Variants in HNRNPA3 observed in about 807,000 individuals in gnomAD.
The protein encoded by HNRNPA3 is epididymis secretory sperm binding protein.
In HNRNPA3, 3 loss-of-function variants were observed where a neutral mutation model predicts 45.8. The ratio of observed to expected loss-of-function variants is 0.07; its 90% CI spans 0.03 to 0.17. The LOEUF (loss-of-function observed/expected upper bound fraction) is 0.17. Ranked by LOEUF, HNRNPA3 falls within the 10% of genes least tolerant of loss-of-function variation. The pLI is 1.00. For synonymous variants in HNRNPA3, 170 were observed against 155.6 expected (o/e 1.09, Z -0.69); for missense variants, 183 against 480.3 (o/e 0.38, Z 5.79).
chr2:177,217,420 A>G (rs966560470), intron 7 of HNRNPA3, among the ~76,000 whole-genome samples: 1 of 152,318 alleles, frequency 6.6e-6, no homozygotes, highest in Middle Eastern at 3.4e-3. Flanking sequence ...GGGTTGCTTG[A>G]GGTGAGGATT....
chr2:177,216,895 A>G (rs1388201075), exon 7 of HNRNPA3: 3 of 1,598,370 alleles, frequency 1.9e-6, no homozygotes, highest in South Asian at 2.2e-5. Context: ...CAGCAGAGGT[A>G]GTTATGGAGG....
downstream of HNRNPA3, chr2:177,221,493 A>C (rs1486166409): frequency 6.6e-6 from 1 of 152,668 alleles, no homozygotes; most frequent in Non-Finnish European, 1.5e-5. Context: ...TGGAACTAGT[A>C]TTATAGTGAA....
chr2:177,220,823 T>C (rs1012417814), downstream of HNRNPA3: 5 of 152,630 alleles, frequency 3.3e-5, no homozygotes, highest in Non-Finnish European at 5.9e-5. Flanking sequence ...TAAGGTCATA[T>C]ATACATATAT....
chr2:177,218,473 C>CATA (rs145837657), intron 8 of HNRNPA3, among the ~76,000 whole-genome samples: 3,348 of 152,252 alleles, frequency 0.022, 117 homozygotes, highest in African/African-American at 0.076. Flanking sequence ...TTTTACTTAA[C>CATA]TCCTTGGTAC....
chr2:177,215,532 C>T lies in HNRNPA3; in HGVS notation c.73-7C>T, dbSNP rs60181566. 9 of 1,613,768 alleles carry T rather than the reference C, an allele frequency of 5.6e-6. No homozygotes were observed. The highest frequency in any genetic ancestry group is 5.3e-5 in the African/African-American group (4 of 75,024). On this transcript the variant is annotated splice_region_variant and splice_polypyrimidine_tract_variant and intron_variant, in intron 1 of 10. Coordinates refer to ENST00000392524, the Ensembl canonical transcript of HNRNPA3. ...GGTAACTTAAGAGTATTGGTTCTTT[C>T]TCTCAGGGCCATGATCCAAAGGAAC... is the stretch of plus-strand genomic sequence containing the variant.
chr2:177,217,683 T>G (rs1242768055), intron 7 of HNRNPA3, 22 bp from the exon 8 acceptor site: 5 of 1,612,052 alleles, frequency 3.1e-6, no homozygotes, highest in Non-Finnish European at 4.2e-6. Flanking sequence ...TTGTGTGGTC[T>G]TGTTATTTGT....
At chr2:177,213,359 G>A (rs1398489838) in intron 1 of HNRNPA3, among the ~76,000 whole-genome samples, 1 of 152,266 alleles carries the variant, frequency 6.6e-6, no homozygotes, top group Non-Finnish European at 1.5e-5. Context: ...TGGGATTGGA[G>A]GGAAGAGGGC....
At position 177,215,915 on chromosome 2, in the gene HNRNPA3, G is replaced by A; in HGVS notation, c.342+19G>A. On this transcript the variant is annotated intron_variant, in intron 3 of 10. Coordinates refer to ENST00000392524, the Ensembl canonical transcript of HNRNPA3. The stretch of plus-strand genomic sequence containing the variant: ...TAGAGAGGTATTTTAATAATACATT[G>A]TGTAATATGTGAAATTGTTGTGAAA... 3 of 1,597,198 alleles carry A rather than the reference G, an allele frequency of 1.9e-6. No individual in the cohort carries two copies. Among genetic ancestry groups the A allele is most frequent in the Middle Eastern group, 1.7e-4 (1 of 5,958 alleles).
chr2:177,219,183 C>T, intron 9 of HNRNPA3, 24 bp downstream of exon 9: 1 of 1,610,872 alleles, frequency 6.2e-7, no homozygotes, highest in South Asian at 1.1e-5. Context: ...TAAATCAATT[C>T]TTTAGAGCCT....
downstream of HNRNPA3, chr2:177,223,201 A>G (rs2105443416): frequency 6.6e-6 from 1 of 152,294 alleles, no homozygotes; most frequent in Admixed American, 6.5e-5. Context: ...TCAGAACCCA[A>G]TTTCTACGCG....
chr2:177,215,516 A>G, intron 1 of HNRNPA3, 23 bp from the exon 2 acceptor site: 5 of 1,612,988 alleles, frequency 3.1e-6, no homozygotes, highest in Non-Finnish European at 3.4e-6. Context: ...AGGTAACTTA[A>G]GAGTATTGGT....
downstream of HNRNPA3, chr2:177,222,531 G>C (rs1392423184): frequency 2.0e-5 from 3 of 152,378 alleles, no homozygotes; most frequent in Admixed American, 1.3e-4. Context: ...ACCAGGGCCA[G>C]GCACAGTGGC....
chr2:177,219,079 A>G, exon 9 of HNRNPA3: 1 of 1,614,164 alleles, frequency 6.2e-7, no homozygotes, highest in Non-Finnish European at 8.5e-7. Context: ...TTTGGAAATT[A>G]TAGTGGACAA....
chr2:177,219,340 G>T (rs767993022), intron 10 of HNRNPA3, 26 bp downstream of exon 10: 14 of 1,502,504 alleles, frequency 9.3e-6, no homozygotes, highest in Non-Finnish European at 1.1e-5. Flanking sequence ...TTTTTATTAT[G>T]ATGATAAAAG....
chr2:177,217,431 T>C (rs1688987925), intron 7 of HNRNPA3, among the ~76,000 whole-genome samples: 1 of 152,160 alleles, frequency 6.6e-6, no homozygotes, highest in African/African-American at 2.4e-5. Context: ...GGTGAGGATT[T>C]TGAGACTAGT....
downstream of HNRNPA3, chr2:177,222,032 A>C (rs1689203502): frequency 6.5e-6 from 1 of 152,778 alleles, no homozygotes; most frequent in South Asian, 2.1e-4. Flanking sequence ...TTGTAAAGCA[A>C]GGTAAGAGTA....
intron 1 of HNRNPA3, among the ~76,000 whole-genome samples, chr2:177,214,242 A>G (rs957289868): frequency 1.3e-5 from 2 of 152,272 alleles, no homozygotes; most frequent in African/African-American, 4.8e-5. Flanking sequence ...GTCAGACAAT[A>G]CATACCATTC....
chr2:177,221,912 A>G (rs1317467084), downstream of HNRNPA3: 1 of 152,680 alleles, frequency 6.5e-6, no homozygotes, highest in Non-Finnish European at 1.5e-5. Context: ...AACATCAATG[A>G]GAGATAGTTG....
exon 5 of HNRNPA3, chr2:177,216,586 C>G (rs765233556): frequency 6.2e-6 from 10 of 1,613,584 alleles, no homozygotes; most frequent in Non-Finnish European, 1.7e-6. Flanking sequence ...TGCTGGATCA[C>G]AGAGAGGTGA....
Sources: allele counts gnomAD v4.1 joint callset (sites outside exome capture counted in the v4.1 genomes callset), GRCh38; gene constraint gnomAD v4.1.1; transcripts MANE v1.5; gene names NCBI Gene and HGNC (gene_info 2026-07-23, HGNC 2026-07-21).